The following UTS2 variants were observed in gnomAD, a reference collection of about 807,000 sequenced individuals.
The protein encoded by UTS2 is urotensin 2.
A neutral mutation model predicts 12.6 loss-of-function variants in UTS2; 10 were observed. That is an observed-to-expected ratio of 0.80 (90% CI 0.49 to 1.35). The LOEUF is 1.35. UTS2 is among the 40% of genes most tolerant of loss of function. UTS2 has a pLI of 0.00. For synonymous variants in UTS2, 52 were observed against 50.0 expected, an observed-to-expected ratio of 1.04 and a Z score of -0.17; for missense variants, 142 against 143.2, an observed-to-expected ratio of 0.99 and a Z score of 0.04.
At chr1:7,852,118 CTA>C (rs2097414777) in intron 1 of UTS2, among the ~76,000 whole-genome samples, 2 of 151,696 alleles carry the variant, frequency 1.3e-5, no homozygotes, top group African/African-American at 4.8e-5. Context: ...AGACGAGAAA[CTA>C]TAAAATCCTT....
upstream of UTS2, among the ~76,000 whole-genome samples, chr1:7,854,787 C>A (rs961032010): frequency 6.6e-6 from 1 of 152,090 alleles, no homozygotes; most frequent in Admixed American, 6.5e-5. Flanking sequence ...TGAAGTAATA[C>A]ACATGCGAAT....
At chr1:7,853,333 G>A (rs1426349238), upstream of UTS2, 2 of 1,614,010 alleles carry the variant, frequency 1.2e-6, no homozygotes, top group Admixed American at 1.7e-5. Flanking sequence ...TTAAAGGAAG[G>A]CTTGGATATG....
the UTS2 span, among the ~76,000 whole-genome samples, chr1:7,876,898 G>A: frequency 6.6e-6 from 1 of 152,194 alleles, no homozygotes; most frequent in East Asian, 1.9e-4. Flanking sequence ...TTGGGAGACC[G>A]AGGCAGGTGG....
In UTS2 at chr1:7,847,724, A is replaced by AGAT. The variant is rs769829289; in HGVS notation, c.*39_*41dup. ...GCATTGTGTTATTTTTCATATTCTAAGATGGGTGTTTCTGAGCTGACTAAC... is the reference window on the plus strand; with the variant it reads ...GCATTGTGTTATTTTTCATATTCTAAGATGATGGGTGTTTCTGAGCTGACTAAC... On this transcript the variant is annotated 3_prime_UTR_variant, in exon 4 of 4. Transcript: ENST00000361696. 6.9e-7 allele frequency: 1 copy of AGAT among 1,446,288 alleles called. No homozygotes were observed. Among genetic ancestry groups the AGAT allele is most frequent in the Non-Finnish European group, 9.6e-7 (1 of 1,037,864 alleles). The allele number at this position is 1,446,288 out of a possible 1,614,324, so 89.6% of individuals were successfully genotyped here.
the UTS2 span, among the ~76,000 whole-genome samples, chr1:7,885,486 G>T: frequency 1.3e-5 from 2 of 152,260 alleles, no homozygotes; most frequent in East Asian, 3.9e-4. Flanking sequence ...ACAGGACAAG[G>T]CAGGGAACCG....
the UTS2 span, among the ~76,000 whole-genome samples, chr1:7,887,511 G>A: frequency 2.0e-5 from 3 of 147,948 alleles, no homozygotes; most frequent in Admixed American, 2.1e-4. Context: ...TATAATCCTA[G>A]CCTTTCGGAG....
At chr1:7,913,006 T>G in the UTS2 span, among the ~76,000 whole-genome samples, 2 of 130,340 alleles carry the variant, frequency 1.5e-5, no homozygotes, top group Admixed American at 7.8e-5. Flanking sequence ...TTTTTTTTTT[T>G]GTTTTTATAG....
the UTS2 span, among the ~76,000 whole-genome samples, chr1:7,904,776 C>T: frequency 1.6e-4 from 24 of 151,630 alleles, no homozygotes; most frequent in African/African-American, 5.1e-4. Flanking sequence ...GTGGTGGTGG[C>T]GCCTGTAAAC....
chr1:7,884,996 T>TCATC, the UTS2 span, among the ~76,000 whole-genome samples: 1 of 141,476 alleles, frequency 7.1e-6, no homozygotes, highest in East Asian at 2.1e-4. Flanking sequence ...ATCCATCCAC[T>TCATC]CATCCATCCA....
At chr1:7,861,990 G>A in the UTS2 span, among the ~76,000 whole-genome samples, 8,142 of 150,488 alleles carry the variant, frequency 0.054, 988 homozygotes, top group East Asian at 0.46. Context: ...TCGGCTCACT[G>A]CAACCTCCGT....
chr1:7,869,216 C>T, the UTS2 span, among the ~76,000 whole-genome samples: 1 of 152,294 alleles, frequency 6.6e-6, no homozygotes, highest in East Asian at 1.9e-4. Flanking sequence ...GCAATGGGAA[C>T]CCAGGTCTGG....
chr1:7,878,679 C>T, the UTS2 span, among the ~76,000 whole-genome samples: 1 of 151,308 alleles, frequency 6.6e-6, no homozygotes, highest in Non-Finnish European at 1.5e-5. Flanking sequence ...GCCTGGGCAA[C>T]ATAGCAAGAC....
the UTS2 span, among the ~76,000 whole-genome samples, chr1:7,870,840 T>C: frequency 6.6e-6 from 1 of 152,128 alleles, no homozygotes; most frequent in Non-Finnish European, 1.5e-5. Context: ...AGCACACTTA[T>C]AGCCAAACAA....
At chr1:7,910,298 T>C in the UTS2 span, among the ~76,000 whole-genome samples, 2 of 151,478 alleles carry the variant, frequency 1.3e-5, no homozygotes, top group Non-Finnish European at 2.9e-5. Flanking sequence ...CTGCCTTTCT[T>C]TGTAAAAACC....
the UTS2 span, among the ~76,000 whole-genome samples, chr1:7,867,397 TTGGTCCC>T: frequency 6.6e-6 from 1 of 152,146 alleles, no homozygotes; most frequent in East Asian, 1.9e-4. Flanking sequence ...GGTCAATCAT[TTGGTCCC>T]TCATCCAACA....
the UTS2 span, among the ~76,000 whole-genome samples, chr1:7,863,391 G>A: frequency 2.6e-5 from 4 of 151,906 alleles, no homozygotes; most frequent in Non-Finnish European, 2.9e-5. Context: ...GATTACAGGC[G>A]TGAGCCACCA....
chr1:7,871,848 T>A, the UTS2 span, among the ~76,000 whole-genome samples: 1 of 151,674 alleles, frequency 6.6e-6, no homozygotes, highest in East Asian at 1.9e-4. Flanking sequence ...GACTGCTCCA[T>A]CAACTGGCCG....
chr1:7,903,311 C>T, the UTS2 span, among the ~76,000 whole-genome samples: 2 of 22,252 alleles, frequency 9.0e-5, no homozygotes, highest in Non-Finnish European at 1.7e-4. Context: ...CCCCTCCTTC[C>T]CCTCCTTCTC....
chr1:7,853,963 C>A (rs1638240494), upstream of UTS2, among the ~76,000 whole-genome samples: 2 of 152,204 alleles, frequency 1.3e-5, no homozygotes, highest in Admixed American at 1.3e-4. Flanking sequence ...GGCACGGTGG[C>A]TCATGCCTGT....
Sources: gnomAD v4.1 joint callset for allele counts (sites outside exome capture counted in the v4.1 genomes callset) on GRCh38, gnomAD v4.1.1 for gene constraint, MANE v1.5 for transcripts, NCBI Gene and HGNC (gene_info 2026-07-23, HGNC 2026-07-21) for gene names.